Variants in ZCWPW2 observed in about 807,000 individuals in gnomAD.
ZCWPW2 encodes zinc finger CW-type and PWWP domain containing 2, also known as zinc finger CW-type PWWP domain protein 2.
In ZCWPW2, 45 loss-of-function variants were observed where a neutral mutation model predicts 46.6. The ratio of observed to expected loss-of-function variants is 0.96; its 90% CI spans 0.76 to 1.24. ZCWPW2 has a LOEUF of 1.24. Ranked by LOEUF, ZCWPW2 falls within the 50% of genes most tolerant of loss-of-function variation. The probability of loss-of-function intolerance (pLI) is 0.00; values close to 1 mark genes in which losing one functional copy is unlikely to be tolerated. For missense variants in ZCWPW2, 429 were observed against 403.9 expected, an observed-to-expected ratio of 1.06 and a Z score of -0.53; for synonymous variants, 152 against 137.1, an observed-to-expected ratio of 1.11 and a Z score of -0.76.
intron 1 of ZCWPW2, among the ~76,000 whole-genome samples, chr3:28,379,687 G>A (rs754650226): frequency 2.3e-4 from 35 of 151,986 alleles, no homozygotes; most frequent in Non-Finnish European, 4.1e-4. Flanking sequence ...GACATACAAG[G>A]AAATGATTGT....
intron 6 of ZCWPW2, among the ~76,000 whole-genome samples, chr3:28,511,530 A>G (rs949969473): frequency 1.3e-5 from 2 of 152,140 alleles, no homozygotes; most frequent in Non-Finnish European, 2.9e-5. Context: ...TTTTCTTTAA[A>G]AAAATACAAA....
intron 6 of ZCWPW2, among the ~76,000 whole-genome samples, chr3:28,501,856 C>A (rs910431972): frequency 9.9e-5 from 15 of 152,088 alleles, no homozygotes; most frequent in African/African-American, 3.4e-4. Context: ...TCAAATGATC[C>A]TTCTGCCTCA....
intron 8 of ZCWPW2, among the ~76,000 whole-genome samples, chr3:28,517,496 C>T (rs1188115264): frequency 6.6e-6 from 1 of 152,120 alleles, no homozygotes; most frequent in Non-Finnish European, 1.5e-5. Context: ...GACCAGATTT[C>T]ATGAGAACTC....
chr3:28,489,469 C>T (rs1488126568), intron 5 of ZCWPW2, among the ~76,000 whole-genome samples: 2 of 151,650 alleles, frequency 1.3e-5, no homozygotes, highest in Admixed American at 6.6e-5. Flanking sequence ...TCTTGAAACA[C>T]GCTGATATTT....
chr3:28,470,204 G>A (rs892024818), intron 4 of ZCWPW2, among the ~76,000 whole-genome samples: 2 of 152,084 alleles, frequency 1.3e-5, no homozygotes, highest in African/African-American at 4.8e-5. Context: ...AAATTAAAAA[G>A]GAAATTTAGG....
chr3:28,507,636 A>G (rs1303899514), intron 6 of ZCWPW2, among the ~76,000 whole-genome samples: 2 of 152,126 alleles, frequency 1.3e-5, no homozygotes, highest in African/African-American at 4.8e-5. Context: ...AATGTGGTCT[A>G]TAAAATAGCG....
chr3:28,381,498 G>C (rs1337813556), intron 1 of ZCWPW2, among the ~76,000 whole-genome samples: 2 of 152,090 alleles, frequency 1.3e-5, no homozygotes, highest in Admixed American at 1.3e-4. Context: ...GGATGATGAA[G>C]GTGGAAGAAA....
intron 2 of ZCWPW2, among the ~76,000 whole-genome samples, chr3:28,397,020 T>C (rs1385059726): frequency 6.6e-6 from 1 of 152,082 alleles, no homozygotes; most frequent in Non-Finnish European, 1.5e-5. Context: ...TCCCAGCTTC[T>C]TGGGAGGCTG....
intron 1 of ZCWPW2, among the ~76,000 whole-genome samples, chr3:28,380,280 G>A (rs1404299213): frequency 4.6e-5 from 7 of 152,090 alleles, no homozygotes; most frequent in Non-Finnish European, 7.4e-5. Context: ...CACCACGCCC[G>A]GCCAGTTTAT....
intron 3 of ZCWPW2, among the ~76,000 whole-genome samples, chr3:28,433,288 G>A (rs1408288324): frequency 6.6e-6 from 1 of 151,946 alleles, no homozygotes; most frequent in Non-Finnish European, 1.5e-5. Context: ...GTTGAATATA[G>A]CCTCCCTGTG....
At chr3:28,402,482 G>A (rs1695987524) in intron 2 of ZCWPW2, among the ~76,000 whole-genome samples, 1 of 152,138 alleles carries the variant, frequency 6.6e-6, no homozygotes, top group Admixed American at 6.5e-5. Flanking sequence ...GACATTCAAA[G>A]AATTGGTACC....
chr3:28,383,504 A>G (rs1218368158), intron 1 of ZCWPW2, among the ~76,000 whole-genome samples: 2 of 152,090 alleles, frequency 1.3e-5, no homozygotes, highest in East Asian at 3.8e-4. Context: ...GCCTTTATGA[A>G]GGTTTTACCT....
intron 6 of ZCWPW2, among the ~76,000 whole-genome samples, chr3:28,499,203 A>G (rs1459550433): frequency 2.0e-5 from 3 of 152,030 alleles, no homozygotes; most frequent in Non-Finnish European, 2.9e-5. Flanking sequence ...TCTGGTTCTA[A>G]ATCCTTGCGG....
At position 28,374,299 on chromosome 3, in the gene ZCWPW2, G is replaced by A. The variant is rs147535369; in HGVS notation, c.-133-16199G>A. On this transcript the variant is annotated intron_variant, in intron 1 of 9. Coordinates refer to ENST00000383768, the MANE Select transcript of ZCWPW2 (RefSeq NM_001040432.4). Reference sequence around the variant, plus strand: ...TACCTTTGTCACAAATGAGCTGAGTGTAAATAGGTGGTATTATTTCTGTGT... The same window carrying A: ...TACCTTTGTCACAAATGAGCTGAGTATAAATAGGTGGTATTATTTCTGTGT... Among the ~76,000 whole-genome samples, 257 of 152,284 alleles carry A rather than the reference G, an allele frequency of 1.7e-3. 2 individuals carry two copies. Among genetic ancestry groups the A allele is most frequent in the African/African-American group, 5.9e-3 (244 of 41,568 alleles).
At chr3:28,398,397 T>C (rs184046263) in intron 2 of ZCWPW2, among the ~76,000 whole-genome samples, 3 of 152,316 alleles carry the variant, frequency 2.0e-5, no homozygotes, top group African/African-American at 7.2e-5. Context: ...TTTTACTTTA[T>C]AGTTATTTAA....
chr3:28,379,772 A>G (rs1705613316), intron 1 of ZCWPW2, among the ~76,000 whole-genome samples: 2 of 152,102 alleles, frequency 1.3e-5, no homozygotes, highest in Non-Finnish European at 2.9e-5. Context: ...AAAAAATGAG[A>G]ACCTTTTCCA....
chr3:28,364,021 C>A (rs548553937), intron 1 of ZCWPW2, among the ~76,000 whole-genome samples: 1 of 152,290 alleles, frequency 6.6e-6, no homozygotes, highest in South Asian at 2.1e-4. Context: ...TTCCTATAAT[C>A]CATACTGTCC....
Position 28,521,202 on chromosome 3 carries a change from A to G in ZCWPW2, c.909+86A>G, listed in dbSNP as rs1391604854. On this transcript the variant is annotated intron_variant, in intron 9 of 9. Transcript: ENST00000383768. ...TTGTTCCTAGTTGTACATTTTAAAT[A>G]TATAAAAAACTCTTTTCATGTCTGA... 2.8e-6 allele frequency: 4 copies of G among 1,420,154 alleles called. No individual in the cohort carries two copies. In the Admixed American group the frequency reaches 9.5e-5, roughly 34 times the overall value. The allele number at this position is 1,420,154 out of a possible 1,614,324, so 88.0% of individuals were successfully genotyped here. A position where few individuals can be genotyped will look rare whatever the true frequency, so the allele number is the denominator to read the frequency against.
chr3:28,481,409 A>G (rs1699425269), intron 5 of ZCWPW2, among the ~76,000 whole-genome samples: 1 of 151,896 alleles, frequency 6.6e-6, no homozygotes, highest in African/African-American at 2.4e-5. Context: ...ACGCCCAGCT[A>G]ATTTTTGTAT....
Sources: allele counts gnomAD v4.1 joint callset (sites outside exome capture counted in the v4.1 genomes callset), GRCh38; gene constraint gnomAD v4.1.1; transcripts MANE v1.5; gene names NCBI Gene and HGNC (gene_info 2026-07-23, HGNC 2026-07-21).